The following GULP1 variants were observed in gnomAD, a reference collection of about 807,000 sequenced individuals.
GULP1 encodes the protein PTB domain-containing engulfment adapter protein 1.
GULP1 carries 19 observed loss-of-function variants against 40.9 expected under a neutral mutation model. That is an observed-to-expected ratio of 0.46 (90% CI 0.32 to 0.68). GULP1 has a LOEUF of 0.68. GULP1 is among the 30% of genes least tolerant of loss of function. The pLI is 0.03. For missense variants in GULP1, 312 were observed against 362.2 expected, an observed-to-expected ratio of 0.86 and a Z score of 1.12; for synonymous variants, 119 against 117.6, an observed-to-expected ratio of 1.01 and a Z score of -0.08.
intron 2 of GULP1, among the ~76,000 whole-genome samples, chr2:188,413,686 T>C (rs2054206002): frequency 6.6e-6 from 1 of 152,202 alleles, no homozygotes; most frequent in African/African-American, 2.4e-5. Flanking sequence ...TATTTCTGCC[T>C]TGTTCTTTCC....
intron 1 of GULP1, among the ~76,000 whole-genome samples, chr2:188,359,559 A>G (rs2045819751): frequency 6.6e-6 from 1 of 152,178 alleles, no homozygotes; most frequent in Non-Finnish European, 1.5e-5. Flanking sequence ...AAAGCATTTC[A>G]TTAGATTGTG....
At chr2:188,326,944 G>A (rs1333475137) in intron 1 of GULP1, among the ~76,000 whole-genome samples, 2 of 152,114 alleles carry the variant, frequency 1.3e-5, no homozygotes, top group East Asian at 3.9e-4. Flanking sequence ...GTGGTGGAGA[G>A]ACTTATCTGG....
intron 1 of GULP1, among the ~76,000 whole-genome samples, chr2:188,302,626 G>T (rs1332723705): frequency 6.6e-6 from 1 of 152,160 alleles, no homozygotes; most frequent in Non-Finnish European, 1.5e-5. Flanking sequence ...AAACTTTTAA[G>T]TAAGAGCTAG....
At chr2:188,533,692 C>T (rs1452220742) in intron 6 of GULP1, among the ~76,000 whole-genome samples, 1 of 152,098 alleles carries the variant, frequency 6.6e-6, no homozygotes, top group African/African-American at 2.4e-5. Context: ...GGTAAACAGA[C>T]ACCTACAGAA....
At position 188,354,032 on chromosome 2, in the gene GULP1, G is replaced by A. The variant is rs568006583; in HGVS notation, c.-171-29731G>A. On this transcript the variant is annotated intron_variant, in intron 1 of 11. Transcript: ENST00000409830. ...CTAGTACCCTGCTTCCCTGGAGCTG[G>A]ACTAGCCACCTAGAGCATGAGATAC... Among the ~76,000 whole-genome samples, 7 of 152,162 alleles carry A rather than the reference G, an allele frequency of 4.6e-5. No homozygotes were observed. The East Asian group carries it at 1.4e-3, about 30-fold the overall frequency.
intron 4 of GULP1, among the ~76,000 whole-genome samples, chr2:188,501,195 C>G (rs1684646720): frequency 6.6e-6 from 1 of 151,774 alleles, no homozygotes; most frequent in Non-Finnish European, 1.5e-5. Flanking sequence ...AAGGGAGGGA[C>G]CCGGTGGGAG....
At chr2:188,311,894 A>G (rs1007684988) in intron 1 of GULP1, among the ~76,000 whole-genome samples, 5 of 148,624 alleles carry the variant, frequency 3.4e-5, no homozygotes, top group African/African-American at 1.2e-4. Context: ...TATTTATTAT[A>G]TATTATATTA....
chr2:188,431,363 A>T (rs1239764321), intron 2 of GULP1, among the ~76,000 whole-genome samples: 2 of 152,216 alleles, frequency 1.3e-5, no homozygotes, highest in Admixed American at 1.3e-4. Context: ...AAGAAAAAAA[A>T]ATGTTGAAGA....
chr2:188,344,547 GC>G (rs1278001422), intron 1 of GULP1, among the ~76,000 whole-genome samples: 3 of 152,324 alleles, frequency 2.0e-5, no homozygotes, highest in Non-Finnish European at 2.9e-5. Context: ...TGATAAGAAG[GC>G]GAGTATTTGC....
At chr2:188,316,670 T>A (rs1574355914) in intron 1 of GULP1, among the ~76,000 whole-genome samples, 1 of 152,286 alleles carries the variant, frequency 6.6e-6, no homozygotes, top group Middle Eastern at 3.4e-3. Flanking sequence ...ATATTTAAAA[T>A]CACAACTCCT....
chr2:188,345,237 A>G (rs762926846), intron 1 of GULP1, among the ~76,000 whole-genome samples: 12 of 152,296 alleles, frequency 7.9e-5, no homozygotes, highest in South Asian at 2.1e-4. Flanking sequence ...CATTAGCAAC[A>G]CACCACTCTC....
At chr2:188,571,828 C>T (rs772336957) in intron 9 of GULP1, among the ~76,000 whole-genome samples, 8 of 152,082 alleles carry the variant, frequency 5.3e-5, no homozygotes, top group Non-Finnish European at 1.0e-4. Flanking sequence ...GTTTTGATAA[C>T]GTAGTTGTTT....
intron 4 of GULP1, among the ~76,000 whole-genome samples, chr2:188,496,268 C>A (rs976970739): frequency 6.6e-6 from 1 of 152,052 alleles, no homozygotes; most frequent in African/African-American, 2.4e-5. Context: ...TTAAAACTAG[C>A]TTTCTAGTTC....
intron 9 of GULP1, among the ~76,000 whole-genome samples, chr2:188,581,715 A>G (rs1294615693): frequency 1.3e-5 from 2 of 152,160 alleles, no homozygotes; most frequent in Admixed American, 6.5e-5. Context: ...GGAGCTCCTC[A>G]TGACTATAGA....
At chr2:188,491,250 T>A (rs1204554019) in intron 4 of GULP1, among the ~76,000 whole-genome samples, 2 of 151,764 alleles carry the variant, frequency 1.3e-5, no homozygotes, top group Non-Finnish European at 2.9e-5. Flanking sequence ...GAGATTACAG[T>A]TTTGGAGGAA....
chr2:188,593,552 A>G (rs1704007387), intron 11 of GULP1: 1 of 153,522 alleles, frequency 6.5e-6, no homozygotes, highest in Non-Finnish European at 1.4e-5. Flanking sequence ...GCTATCTTGA[A>G]CCTCTCATCA....
intron 5 of GULP1, among the ~76,000 whole-genome samples, chr2:188,527,579 A>G (rs967549191): frequency 4.6e-5 from 7 of 152,200 alleles, no homozygotes. Flanking sequence ...AAGGCAAAAA[A>G]GAAAATTATC....
intron 3 of GULP1, among the ~76,000 whole-genome samples, chr2:188,478,320 G>T (rs1384913998): frequency 6.6e-6 from 1 of 152,002 alleles, no homozygotes; most frequent in Non-Finnish European, 1.5e-5. Flanking sequence ...AGAAAAACAT[G>T]GCATTTGACA....
intron 2 of GULP1, among the ~76,000 whole-genome samples, chr2:188,452,991 T>C (rs2058956823): frequency 6.9e-6 from 1 of 143,980 alleles, no homozygotes; most frequent in Non-Finnish European, 1.5e-5. Flanking sequence ...ATATTTGCCC[T>C]TTTTTTTTTT....
Sources: gnomAD v4.1 joint callset for allele counts (sites outside exome capture counted in the v4.1 genomes callset) on GRCh38, gnomAD v4.1.1 for gene constraint, MANE v1.5 for transcripts, NCBI Gene and HGNC (gene_info 2026-07-23, HGNC 2026-07-21) for gene names.